The following MDFIC2 variants were observed in gnomAD, a reference collection of about 807,000 sequenced individuals.
The protein encoded by MDFIC2 is MyoD family inhibitor domain containing 2, also known as myoD family inhibitor domain-containing protein 2.
intron 2 of MDFIC2, among the ~76,000 whole-genome samples, chr3:70,225,663 C>G (rs984889555): frequency 6.6e-6 from 1 of 152,148 alleles, no homozygotes; most frequent in Admixed American, 6.5e-5. Context: ...CACTGTTTCC[C>G]TTCTAGATCA....
intron 2 of MDFIC2, among the ~76,000 whole-genome samples, chr3:70,298,357 C>T (rs1467308778): frequency 2.0e-5 from 3 of 152,050 alleles, no homozygotes; most frequent in African/African-American, 7.2e-5. Flanking sequence ...CTCTCCTCCA[C>T]CAGCCATGTT....
At chr3:70,254,422 T>A (rs1295479414) in intron 2 of MDFIC2, among the ~76,000 whole-genome samples, 4 of 152,164 alleles carry the variant, frequency 2.6e-5, no homozygotes, top group Non-Finnish European at 4.4e-5. Flanking sequence ...GAGCATGAAC[T>A]GAAATAACAT....
chr3:70,237,816 G>T (rs1305033720), intron 2 of MDFIC2, among the ~76,000 whole-genome samples: 1 of 152,078 alleles, frequency 6.6e-6, no homozygotes, highest in Non-Finnish European at 1.5e-5. Flanking sequence ...CATGGACAAA[G>T]GCAGAGTATT....
At chr3:70,300,491 C>T (rs888399281) in intron 2 of MDFIC2, among the ~76,000 whole-genome samples, 5 of 151,848 alleles carry the variant, frequency 3.3e-5, no homozygotes, top group Admixed American at 1.3e-4. Flanking sequence ...GTGTATTTTT[C>T]CAGCAATGTA....
At chr3:70,299,603 G>C (rs1379046745) in intron 2 of MDFIC2, among the ~76,000 whole-genome samples, 1 of 152,082 alleles carries the variant, frequency 6.6e-6, no homozygotes, top group Non-Finnish European at 1.5e-5. Flanking sequence ...TTGGGTGCCA[G>C]CCCTTTGTTT....
chr3:70,285,765 T>A (rs1396042941), intron 2 of MDFIC2, among the ~76,000 whole-genome samples: 3 of 152,108 alleles, frequency 2.0e-5, no homozygotes, highest in Non-Finnish European at 2.9e-5. Context: ...TGGTGTGAGA[T>A]GGTATCTCAT....
chr3:70,215,819 G>A (rs545372843), intron 2 of MDFIC2, among the ~76,000 whole-genome samples: 4 of 152,192 alleles, frequency 2.6e-5, no homozygotes, highest in South Asian at 2.1e-4. Context: ...TAAAGGTGGC[G>A]TGTCTTGGTT....
rs80119735 is a variant in MDFIC2 at position 70,202,573 on chromosome 3, A to C, written c.310+3996T>G. On this transcript the variant is annotated intron_variant, in intron 3 of 3. Coordinates refer to ENST00000567252, the MANE Select transcript of MDFIC2 (RefSeq NM_001364677.1). ...CACAGGCTCTAATCACTGCTATTGA[A>C]GTGCCCACCTGGCTTTCCTATTCCT... Among the ~76,000 whole-genome samples, 1,030 of 152,284 alleles carry C rather than the reference A, an allele frequency of 6.8e-3. 61 individuals are homozygous for C. The East Asian group carries it at 0.15, about 22-fold the overall frequency.
intron 2 of MDFIC2, among the ~76,000 whole-genome samples, chr3:70,293,890 A>G (rs1702265202): frequency 6.6e-6 from 1 of 151,916 alleles, no homozygotes; most frequent in Admixed American, 6.6e-5. Flanking sequence ...TTTGTGTTAC[A>G]TGTTGAAGCC....
chr3:70,217,117 A>G (rs966789640), intron 2 of MDFIC2, among the ~76,000 whole-genome samples: 1 of 152,074 alleles, frequency 6.6e-6, no homozygotes, highest in South Asian at 2.1e-4. Flanking sequence ...CCCTTGACCA[A>G]AATGCTGCCT....
chr3:70,288,796 C>A (rs1236944838), intron 2 of MDFIC2, among the ~76,000 whole-genome samples: 2 of 151,646 alleles, frequency 1.3e-5, no homozygotes, highest in African/African-American at 2.4e-5. Context: ...TTGAATTGAT[C>A]CCTTTACCAT....
intron 2 of MDFIC2, among the ~76,000 whole-genome samples, chr3:70,218,000 C>T (rs758171395): frequency 2.0e-5 from 3 of 152,110 alleles, no homozygotes; most frequent in Non-Finnish European, 4.4e-5. Flanking sequence ...CAAGAAATCA[C>T]AGGAGCGAGG....
At chr3:70,238,978 A>G (rs1701639150) in intron 2 of MDFIC2, among the ~76,000 whole-genome samples, 1 of 152,198 alleles carries the variant, frequency 6.6e-6, no homozygotes, top group Admixed American at 6.5e-5. Context: ...TCTAACTCCT[A>G]AAATATTCAC....
chr3:70,299,427 C>G (rs139935125), intron 2 of MDFIC2, among the ~76,000 whole-genome samples: 298 of 152,050 alleles, frequency 2.0e-3, no homozygotes, highest in Non-Finnish European at 3.1e-3. Context: ...TCTAATTTTT[C>G]TAAAAAATAG....
At chr3:70,299,470 C>A (rs1188770326) in intron 2 of MDFIC2, among the ~76,000 whole-genome samples, 4 of 152,006 alleles carry the variant, frequency 2.6e-5, no homozygotes, top group South Asian at 2.1e-4. Flanking sequence ...AAAGCACATA[C>A]CCCTAGAGAC....
intron 2 of MDFIC2, among the ~76,000 whole-genome samples, chr3:70,255,010 A>G (rs978377050): frequency 2.0e-5 from 3 of 152,160 alleles, no homozygotes; most frequent in African/African-American, 7.2e-5. Context: ...ATTGTTCCTT[A>G]TAATTTTACA....
In MDFIC2 at chr3:70,281,526, T is replaced by C. The variant is rs572323488; in HGVS notation, c.88+30360A>G. 1.7e-3 allele frequency among the ~76,000 whole-genome samples: 258 copies of C among 152,246 alleles called. 1 individual carries two copies. Among genetic ancestry groups the C allele is most frequent in the South Asian group, 3.1e-3 (15 of 4,820 alleles). ...GTCTCTTTAATAGTAGTGGAGGTGATAAAATGAGATCATATAAGTGTCTAG... is the reference window on the plus strand; with the variant it reads ...GTCTCTTTAATAGTAGTGGAGGTGACAAAATGAGATCATATAAGTGTCTAG... On this transcript the variant is annotated intron_variant, in intron 2 of 3. Transcript: ENST00000567252.
At chr3:70,302,431 A>G (rs1007498242) in intron 2 of MDFIC2, among the ~76,000 whole-genome samples, 4 of 151,920 alleles carry the variant, frequency 2.6e-5, no homozygotes, top group Admixed American at 6.6e-5. Flanking sequence ...TTCCTGAGGC[A>G]TAAAACATAA....
At chr3:70,249,520 C>G (rs1320768133) in intron 2 of MDFIC2, 1 of 152,074 alleles carries the variant, frequency 6.6e-6, no homozygotes, top group African/African-American at 2.4e-5. Context: ...GATTAATCAT[C>G]CTTTCCCCTC....
Sources: gnomAD v4.1 joint callset for allele counts (sites outside exome capture counted in the v4.1 genomes callset) on GRCh38, gnomAD v4.1.1 for gene constraint, MANE v1.5 for transcripts, NCBI Gene and HGNC (gene_info 2026-07-23, HGNC 2026-07-21) for gene names.